CSMD1: variants seen among roughly 807,000 people sequenced by gnomAD.
CSMD1 encodes CUB and Sushi multiple domains 1, also known as CUB and sushi domain-containing protein 1.
CSMD1 carries 213 observed loss-of-function variants against 417.5 expected under a neutral mutation model. That is an observed-to-expected ratio of 0.51 (90% CI 0.46 to 0.57). The LOEUF is 0.57. CSMD1 is among the 20% of genes least tolerant of loss of function. The pLI is 0.00. For synonymous variants in CSMD1, 2,862 were observed against 1,736.8 expected, an observed-to-expected ratio of 1.65 and a Z score of -16.11; for missense variants, 6,923 against 4,529.7, an observed-to-expected ratio of 1.53 and a Z score of -15.17.
intron 3 of CSMD1, among the ~76,000 whole-genome samples, chr8:4,351,117 G>C (rs577549859): frequency 6.6e-6 from 1 of 151,384 alleles, no homozygotes; most frequent in Non-Finnish European, 1.5e-5. Context: ...CCAGGGGTTC[G>C]AGACCAGTCC....
intron 51 of CSMD1, among the ~76,000 whole-genome samples, chr8:3,020,956 A>G (rs17079095): frequency 0.036 from 5,526 of 152,338 alleles, 127 homozygotes; most frequent in African/African-American, 0.07. Flanking sequence ...AATTTGTTAT[A>G]AACTTTTCAT....
intron 3 of CSMD1, among the ~76,000 whole-genome samples, chr8:4,049,304 T>G (rs555548092): frequency 6.6e-6 from 1 of 151,968 alleles, no homozygotes. Flanking sequence ...GTAGGACATT[T>G]TGCAACATCT....
chr8:4,920,587 T>G (rs1806371980), intron 1 of CSMD1, among the ~76,000 whole-genome samples: 2 of 152,024 alleles, frequency 1.3e-5, no homozygotes, highest in Non-Finnish European at 2.9e-5. Flanking sequence ...TTTGGGAGGC[T>G]GAGGCAGGTG....
intron 3 of CSMD1, among the ~76,000 whole-genome samples, chr8:4,100,576 C>T (rs1242352831): frequency 1.3e-5 from 2 of 152,190 alleles, no homozygotes. Context: ...AGAACAGCAT[C>T]ACCTGGGAGG....
chr8:4,034,422 T>C (rs1335159702), intron 3 of CSMD1, among the ~76,000 whole-genome samples: 1 of 152,252 alleles, frequency 6.6e-6, no homozygotes, highest in South Asian at 2.1e-4. Flanking sequence ...TTCACTATTG[T>C]CTGCAATCAT....
At chr8:4,264,637 A>T (rs1416453900) in intron 3 of CSMD1, among the ~76,000 whole-genome samples, 1 of 152,096 alleles carries the variant, frequency 6.6e-6, no homozygotes, top group Non-Finnish European at 1.5e-5. Context: ...CTGCTGTCCC[A>T]CCCAGGTACA....
chr8:4,644,718 T>C (rs551024674), intron 1 of CSMD1, among the ~76,000 whole-genome samples: 2 of 152,370 alleles, frequency 1.3e-5, no homozygotes, highest in East Asian at 3.9e-4. Context: ...GCCTACACTA[T>C]TGTATTCCCT....
intron 3 of CSMD1, among the ~76,000 whole-genome samples, chr8:4,107,550 A>T (rs1801631171): frequency 6.6e-6 from 1 of 152,234 alleles, no homozygotes; most frequent in Non-Finnish European, 1.5e-5. Context: ...TTTAAGCTAC[A>T]AAGTAGCACC....
At chr8:4,563,919 C>A (rs1231994388) in intron 2 of CSMD1, among the ~76,000 whole-genome samples, 1 of 152,106 alleles carries the variant, frequency 6.6e-6, no homozygotes, top group Admixed American at 6.6e-5. Flanking sequence ...TCTTCTGTAG[C>A]ACAGTTCCAC....
chr8:4,428,238 A>T (rs1270776278), intron 2 of CSMD1, among the ~76,000 whole-genome samples: 3 of 152,344 alleles, frequency 2.0e-5, no homozygotes, highest in South Asian at 2.1e-4. Flanking sequence ...TAAACACAAG[A>T]CAACTAGGAG....
intron 12 of CSMD1, among the ~76,000 whole-genome samples, chr8:3,430,461 A>T (rs1814144560): frequency 6.6e-6 from 1 of 152,186 alleles, no homozygotes; most frequent in South Asian, 2.1e-4. Flanking sequence ...ATTAATGTTT[A>T]TCAAGTAGAT....
At chr8:4,466,120 G>C (rs552213724) in intron 2 of CSMD1, among the ~76,000 whole-genome samples, 2 of 152,262 alleles carry the variant, frequency 1.3e-5, no homozygotes, top group South Asian at 4.2e-4. Flanking sequence ...GTAAATGGGA[G>C]GATAGTTTTA....
At chr8:3,606,124 G>A (rs1801599698) in intron 8 of CSMD1, among the ~76,000 whole-genome samples, 1 of 152,224 alleles carries the variant, frequency 6.6e-6, no homozygotes, top group Non-Finnish European at 1.5e-5. Flanking sequence ...ATGACAAGAA[G>A]CTGGGTGTAA....
intron 12 of CSMD1, among the ~76,000 whole-genome samples, chr8:3,467,901 G>A (rs62473732): frequency 0.015 from 2,249 of 152,242 alleles, 26 homozygotes; most frequent in Non-Finnish European, 0.021. Flanking sequence ...AGAACATACT[G>A]CCTATTTACT....
At chr8:4,235,672 C>G (rs1408687607) in intron 3 of CSMD1, among the ~76,000 whole-genome samples, 1 of 152,160 alleles carries the variant, frequency 6.6e-6, no homozygotes, top group Non-Finnish European at 1.5e-5. Context: ...ATGGGTCAGC[C>G]TGTTGCCATG....
chr8:3,223,982 C>T, intron 27 of CSMD1, 115 bp from the exon 28 acceptor site: 1 of 984,654 alleles, frequency 1.0e-6, no homozygotes, highest in African/African-American at 1.6e-5. Flanking sequence ...GCATTTTTAC[C>T]AGTCCAAGAG....
At chr8:3,395,157 G>A (rs1393164655) in intron 17 of CSMD1, among the ~76,000 whole-genome samples, 1 of 152,112 alleles carries the variant, frequency 6.6e-6, no homozygotes, top group Non-Finnish European at 1.5e-5. Flanking sequence ...ATGATTCTAT[G>A]CATGCATTTG....
chr8:4,817,480 G>T (rs1332711849), intron 1 of CSMD1, among the ~76,000 whole-genome samples: 3 of 152,174 alleles, frequency 2.0e-5, no homozygotes, highest in Admixed American at 2.0e-4. Context: ...AGGCCCAAAG[G>T]GCACGTCCAA....
rs182299425 is a variant in CSMD1 at position 3,140,172 on chromosome 8, G to A, written c.6241+2293C>T. On this transcript the variant is annotated intron_variant, in intron 41 of 69. Transcript: ENST00000635120. ...GCCCGCCTCTGCATCCCAAACTGCT[G>A]GGATTACAGGCGTGAGGCCACCACA... 1.3e-4 allele frequency among the ~76,000 whole-genome samples: 20 copies of A among 152,262 alleles called. No individual in the cohort carries two copies. In the East Asian group the frequency reaches 3.3e-3, roughly 25 times the overall value.
Sources: allele counts gnomAD v4.1 joint callset (sites outside exome capture counted in the v4.1 genomes callset), GRCh38; gene constraint gnomAD v4.1.1; transcripts MANE v1.5; gene names NCBI Gene and HGNC (gene_info 2026-07-23, HGNC 2026-07-21).